The following DKKL1 variants were observed in gnomAD, a reference collection of about 807,000 sequenced individuals.
DKKL1 encodes the protein dickkopf like acrosomal protein 1, also known as dickkopf-like protein 1.
A neutral mutation model predicts 16.5 loss-of-function variants in DKKL1; 11 were observed. The ratio of observed to expected loss-of-function variants is 0.67; its 90% confidence interval spans 0.42 to 1.10. The LOEUF is 1.10. Ranked by LOEUF, DKKL1 falls within the 50% of genes least tolerant of loss-of-function variation. The pLI, the probability that DKKL1 is intolerant of heterozygous loss-of-function variation, is 0.00. For synonymous variants in DKKL1, 119 were observed against 133.2 expected, an observed-to-expected ratio of 0.89 and a Z score of 0.73; for missense variants, 320 against 308.1, an observed-to-expected ratio of 1.04 and a Z score of -0.29.
intron 2 of DKKL1, 53 bp downstream of exon 2, chr19:49,364,807 C>T (rs1600830930): frequency 6.3e-7 from 1 of 1,579,884 alleles, no homozygotes; most frequent in South Asian, 1.2e-5. Flanking sequence ...GGTTCAGGGA[C>T]ACAGAGTGGG....
chr19:49,362,997 C>T (rs1973066330), upstream of DKKL1: 1 of 143,612 alleles, frequency 7.0e-6, no homozygotes, highest in Non-Finnish European at 1.5e-5. Flanking sequence ...CTATGACGAC[C>T]TGGTTTCCTT....
At chr19:49,361,943 T>G (rs1972979834), upstream of DKKL1, 1 of 152,488 alleles carries the variant, frequency 6.6e-6, no homozygotes, top group South Asian at 2.1e-4. Context: ...CCCCAGACCC[T>G]AAACCTCCAA....
upstream of DKKL1, among the ~76,000 whole-genome samples, chr19:49,362,853 A>G (rs1420132945): frequency 6.6e-6 from 1 of 151,516 alleles, no homozygotes; most frequent in Non-Finnish European, 1.5e-5. Flanking sequence ...ATACGAATAC[A>G]AAGAGTCTTT....
At chr19:49,367,381 C>T (rs954359413) in intron 4 of DKKL1, among the ~76,000 whole-genome samples, 27 of 149,724 alleles carry the variant, frequency 1.8e-4, no homozygotes, top group Non-Finnish European at 3.3e-4. Context: ...ATGCTAAATG[C>T]GTTGTGTATT....
rs1311195578 is a variant in DKKL1, at chr19:49,374,849, C to G, written c.550C>G (p.Leu184Val). Reference sequence around the variant, plus strand: ...ACGGCGGAGGTCCCACCAGGATGCCCTGGAGGGCGGCCACTGGCTCAGCGA... The same window carrying G: ...ACGGCGGAGGTCCCACCAGGATGCCGTGGAGGGCGGCCACTGGCTCAGCGA... The part of the protein sequence containing the change: ...LPRRRSHQDA[L>V]EGGHWLSEKR... Residue 184 changes from leucine to valine, a missense_variant, in exon 5 of 5, where the codon CTG becomes GTG. Transcript: ENST00000221498. 16 of 1,613,814 alleles carry G rather than the reference C, an allele frequency of 9.9e-6. No individual in the cohort carries two copies. In the East Asian group the frequency reaches 3.6e-4, roughly 36 times the overall value.
intron 4 of DKKL1, among the ~76,000 whole-genome samples, chr19:49,374,208 G>A (rs573005060): frequency 1.4e-4 from 22 of 152,166 alleles, no homozygotes; most frequent in South Asian, 4.2e-4. Flanking sequence ...GGATGGTCTC[G>A]ATCTCCTGAC....
In DKKL1 at chr19:49,364,687, A is replaced by AAG; in HGVS notation, c.121_122dup (p.Ser41ArgfsTer21). On this transcript the variant is annotated frameshift_variant, in exon 2 of 5. Coordinates refer to ENST00000221498, the MANE Select transcript of DKKL1 (RefSeq NM_014419.4). LOFTEE classifies it high-confidence loss of function. Reference sequence around the variant, plus strand: ...GCTCCTATCCATGATGCTGACGCCCAAGAGAGCTCCTTGGGTCTCACAGGC... The same window carrying AAG: ...GCTCCTATCCATGATGCTGACGCCCAAGAGAGAGCTCCTTGGGTCTCACAGGC... 1 of 1,614,186 alleles carries AAG rather than the reference A, an allele frequency of 6.2e-7. No homozygotes were observed. The highest frequency in any genetic ancestry group is 8.5e-7 in the Non-Finnish European group (1 of 1,180,028).
Position 49,364,625 on chromosome 19 carries a change from G to A in DKKL1, c.54G>A (p.Leu18=), listed in dbSNP as rs1267350704. Residue 18 remains leucine (L), a synonymous_variant, in exon 2 of 5, where the codon CTG becomes CTA. Coordinates refer to ENST00000221498, the MANE Select transcript of DKKL1 (RefSeq NM_014419.4). ...CAAGGCGGCATCTGCTGGTCCTGCTGCTGCTCCTCTCTACCCTGGTGATCC... is the reference window on the plus strand; with the variant it reads ...CAAGGCGGCATCTGCTGGTCCTGCTACTGCTCCTCTCTACCCTGGTGATCC... ...APARRHLLVL[L]LLLSTLVIPS... is the part of the protein sequence containing the mutation. The A allele has an allele frequency of 5.0e-6, 8 of 1,613,412 alleles. No individual in the cohort carries two copies. The East Asian group carries it at 1.8e-4, about 36-fold the overall frequency.
upstream of DKKL1, among the ~76,000 whole-genome samples, chr19:49,360,747 AGAGAGGGAGGGG>A: frequency 1.4e-5 from 1 of 73,482 alleles, no homozygotes; most frequent in Non-Finnish European, 2.8e-5. Flanking sequence ...ACAGAGACCC[AGAGAGGGAGGGG>A]GACAGAGACC....
At chr19:49,367,130 G>A (rs1973283398) in intron 4 of DKKL1, among the ~76,000 whole-genome samples, 1 of 152,052 alleles carries the variant, frequency 6.6e-6, no homozygotes, top group Admixed American at 6.5e-5. Context: ...AGGTTCAAGT[G>A]ATTCTCCAGC....
chr19:49,366,713 GT>G (rs775185405), intron 4 of DKKL1, among the ~76,000 whole-genome samples: 5 of 144,622 alleles, frequency 3.5e-5, no homozygotes, highest in Non-Finnish European at 4.5e-5. Flanking sequence ...TGTTTTTTTG[GT>G]TTTTTTTTTT....
intron 4 of DKKL1, among the ~76,000 whole-genome samples, chr19:49,366,275 T>G (rs1228441258): frequency 6.6e-6 from 1 of 152,164 alleles, no homozygotes; most frequent in African/African-American, 2.4e-5. Context: ...GAAGAGGAAC[T>G]GACCCTCTTA....
At chr19:49,368,632 T>C (rs1348885437) in intron 4 of DKKL1, 1 of 152,164 alleles carries the variant, frequency 6.6e-6, no homozygotes, top group Non-Finnish European at 1.5e-5. Context: ...CACAGCAACC[T>C]CCACCTTCTA....
chr19:49,362,864 A>G (rs1344184707), upstream of DKKL1, among the ~76,000 whole-genome samples: 2 of 149,140 alleles, frequency 1.3e-5, no homozygotes, highest in African/African-American at 5.0e-5. Flanking sequence ...AAGAGTCTTT[A>G]CTGTTAAGCC....
At chr19:49,366,974 C>T (rs1372986279) in intron 4 of DKKL1, among the ~76,000 whole-genome samples, 1 of 151,766 alleles carries the variant, frequency 6.6e-6, no homozygotes, top group African/African-American at 2.4e-5. Flanking sequence ...TCCCAAAGTA[C>T]TAGGATTATA....
rs747386126 is a variant in DKKL1, at chr19:49,365,497, C to T, written c.184-12C>T. ...AGGTCCAGCAGCTCACCAGTCCCTC[C>T]TCCGGCCCCAGGGTAACCTGCTTCG... On this transcript the variant is annotated splice_polypyrimidine_tract_variant and intron_variant, in intron 2 of 4. Transcript: ENST00000221498. The T allele has an allele frequency of 3.1e-6, 5 of 1,587,350 alleles. No homozygotes were observed. Among genetic ancestry groups the T allele is most frequent in the Non-Finnish European group, 4.3e-6 (5 of 1,164,532 alleles).
At chr19:49,363,534 C>CAGGGGCGTGGCTTTCAGCCA (rs945570070), upstream of DKKL1, 18 of 319,548 alleles carry the variant, frequency 5.6e-5, no homozygotes, top group Admixed American at 5.8e-4. Flanking sequence ...TGGCCCAGTG[C>CAGGGGCGTGGCTTTCAGCCA]AGGGGCGTGG....
At chr19:49,362,147 C>G (rs996131838), upstream of DKKL1, among the ~76,000 whole-genome samples, 4 of 152,192 alleles carry the variant, frequency 2.6e-5, no homozygotes, top group Admixed American at 2.6e-4. Context: ...CCTGCGCGCA[C>G]GCCCAAACTC....
At chr19:49,372,728 G>A (rs73590176) in intron 4 of DKKL1, among the ~76,000 whole-genome samples, 33,420 of 149,510 alleles carry the variant, frequency 0.22, 3,905 homozygotes, top group Non-Finnish European at 0.25. Context: ...ATGGCCAGGA[G>A]TGGTGGCTTA....
Sources: gnomAD v4.1 joint callset for allele counts (sites outside exome capture counted in the v4.1 genomes callset) on GRCh38, gnomAD v4.1.1 for gene constraint, MANE v1.5 for transcripts, NCBI Gene and HGNC (gene_info 2026-07-23, HGNC 2026-07-21) for gene names.